Variants in MGAM2 observed in about 807,000 individuals in gnomAD.
MGAM2 encodes the protein maltase-glucoamylase 2 (putative).
A neutral mutation model predicts 96.1 loss-of-function variants in MGAM2; 98 were observed. The observed-to-expected ratio is 1.02, with a 90% confidence interval of 0.87 to 1.21. MGAM2 has a LOEUF of 1.21. MGAM2 is among the 50% of genes most tolerant of loss of function. The pLI, the probability that MGAM2 is intolerant of heterozygous loss-of-function variation, is 0.00. For synonymous variants in MGAM2, 749 were observed against 414.8 expected (o/e 1.81, Z -9.79); for missense variants, 2,055 against 1,182.4 (o/e 1.74, Z -10.82).
intron 32 of MGAM2, 114 bp downstream of exon 32, chr7:142,175,894 CTTTTTG>C (rs977726883): frequency 5.1e-5 from 24 of 474,378 alleles, no homozygotes; most frequent in Non-Finnish European, 7.4e-5. Flanking sequence ...GTACTCTGTA[CTTTTTG>C]TTTTGTTTTG....
intron 45 of MGAM2, among the ~76,000 whole-genome samples, chr7:142,206,568 T>G (rs180704895): frequency 4.0e-4 from 61 of 152,276 alleles, no homozygotes; most frequent in Non-Finnish European, 7.5e-4. Flanking sequence ...AACATCACAA[T>G]TAGTATGCAA....
rs377341056 is a variant in MGAM2, at chr7:142,152,172, A to T, written c.1635-1846A>T. Reference sequence around the variant, plus strand: ...GTAAGACTGTTCCTTTAAGATGTTTAAAAAAAAAAAAAAACCCAGCAGTTA... The same window carrying T: ...GTAAGACTGTTCCTTTAAGATGTTTTAAAAAAAAAAAAAACCCAGCAGTTA... On this transcript the variant is annotated intron_variant, in intron 15 of 47. Coordinates refer to ENST00000477922, the MANE Select transcript of MGAM2 (RefSeq NM_001293626.2). Among the ~76,000 whole-genome samples, 9 of 22,042 alleles carry T rather than the reference A, an allele frequency of 4.1e-4. No homozygotes were observed. The South Asian group carries it at 0.013, about 32-fold the overall frequency. 14.5% of individuals were successfully genotyped at this position (22,042 alleles called of 152,430 possible). A position where few individuals can be genotyped will look rare whatever the true frequency, so the allele number is the denominator to read the frequency against.
In MGAM2 at chr7:142,167,502, C is replaced by A. The variant is rs773641809; in HGVS notation, c.3027+16C>A. The A allele has an allele frequency of 2.8e-6, 2 of 702,836 alleles. No individual in the cohort carries two copies. The highest frequency in any genetic ancestry group is 2.0e-5 in the Admixed American group (1 of 49,990). 43.5% of individuals were successfully genotyped at this position (702,836 alleles called of 1,614,324 possible). ...GCAGGTCAAGGTAAGGCCCATGTTG[C>A]AGATTCTGGTTCTCAAGATGGAGTT... On this transcript the variant is annotated intron_variant, in intron 26 of 47. Coordinates refer to ENST00000477922, the MANE Select transcript of MGAM2 (RefSeq NM_001293626.2).
intron 40 of MGAM2, among the ~76,000 whole-genome samples, chr7:142,197,043 A>C (rs1052461305): frequency 6.6e-5 from 10 of 152,214 alleles, no homozygotes; most frequent in African/African-American, 9.6e-5. Context: ...AAAGGTTTTT[A>C]TAGTTCCACA....
At chr7:142,195,189 C>T (rs114900217) in intron 37 of MGAM2, among the ~76,000 whole-genome samples, 3,336 of 151,952 alleles carry the variant, frequency 0.022, 131 homozygotes, top group African/African-American at 0.077. Context: ...ACGTGCACCA[C>T]CCTGCCCAGC....
At chr7:142,202,750 G>A (rs541762299) in intron 45 of MGAM2, among the ~76,000 whole-genome samples, 1 of 152,000 alleles carries the variant, frequency 6.6e-6, no homozygotes, top group Non-Finnish European at 1.5e-5. Flanking sequence ...CCATGTCTTT[G>A]TAATTGTAAA....
chr7:142,206,551 G>A (rs1797407188), intron 45 of MGAM2, among the ~76,000 whole-genome samples: 1 of 152,084 alleles, frequency 6.6e-6, no homozygotes, highest in South Asian at 2.1e-4. Flanking sequence ...TGTCATAGTA[G>A]GTTAATAACA....
Position 142,200,939 on chromosome 7 carries a change from A to T in MGAM2, c.5137+971A>T, listed in dbSNP as rs568653469. Among the ~76,000 whole-genome samples, 22 of 151,828 alleles carry T rather than the reference A, an allele frequency of 1.4e-4. 1 individual carries two copies. Among genetic ancestry groups the T allele is most frequent in the African/African-American group, 5.3e-4 (22 of 41,428 alleles). ...TGAATCCTGTTTATTTTCCTCTAACATAATGACAGAAACATGTGTGAATGT... is the reference window on the plus strand; with the variant it reads ...TGAATCCTGTTTATTTTCCTCTAACTTAATGACAGAAACATGTGTGAATGT... On this transcript the variant is annotated intron_variant, in intron 45 of 47. Coordinates refer to ENST00000477922, the MANE Select transcript of MGAM2 (RefSeq NM_001293626.2).
intron 6 of MGAM2, 70 bp downstream of exon 6, chr7:142,132,155 G>C (rs1399696380): frequency 5.0e-6 from 3 of 605,706 alleles, no homozygotes; most frequent in African/African-American, 3.7e-5. Context: ...TGATTTACTG[G>C]GGGTGGGCAG....
chr7:142,189,553 C>T (rs996864225), intron 37 of MGAM2, 48 bp downstream of exon 37: 6 of 636,598 alleles, frequency 9.4e-6, no homozygotes, highest in Non-Finnish European at 1.7e-5. Flanking sequence ...CCACATCATT[C>T]CTTTTGCCAT....
chr7:142,206,326 G>A (rs992225603), intron 45 of MGAM2, among the ~76,000 whole-genome samples: 2 of 152,104 alleles, frequency 1.3e-5, no homozygotes, highest in African/African-American at 2.4e-5. Flanking sequence ...TTTTGTGGTG[G>A]TGGCTGGGCT....
chr7:142,142,524 GTTTTTTT>G (rs746342532), intron 12 of MGAM2, among the ~76,000 whole-genome samples: 6 of 78,888 alleles, frequency 7.6e-5, no homozygotes, highest in African/African-American at 9.9e-5. Context: ...AGTGGTGTGT[GTTTTTTT>G]TTTTTTTTTT....
At chr7:142,165,448 A>G (rs1444501196) in intron 24 of MGAM2, among the ~76,000 whole-genome samples, 1 of 152,228 alleles carries the variant, frequency 6.6e-6, no homozygotes, top group African/African-American at 2.4e-5. Context: ...GAGTAACGCA[A>G]GGAGAAATCC....
At chr7:142,178,568 A>T (rs1253866946) in intron 32 of MGAM2, among the ~76,000 whole-genome samples, 2 of 152,314 alleles carry the variant, frequency 1.3e-5, no homozygotes, top group Non-Finnish European at 2.9e-5. Context: ...ATTCTCTTGC[A>T]TATGGTGAGC....
chr7:142,126,468 C>T (rs935638008), intron 3 of MGAM2, among the ~76,000 whole-genome samples: 3 of 151,218 alleles, frequency 2.0e-5, no homozygotes, highest in African/African-American at 7.3e-5. Context: ...ATATTTTATT[C>T]CTCAAATCAT....
intron 31 of MGAM2, among the ~76,000 whole-genome samples, chr7:142,173,705 A>C (rs143550159): frequency 6.6e-6 from 1 of 152,338 alleles, no homozygotes; most frequent in African/African-American, 2.4e-5. Context: ...GGCTAAAAAG[A>C]AGCAAGTTCT....
chr7:142,171,819 G>A lies in MGAM2; in HGVS notation c.3352-279G>A, dbSNP rs141095044. Among the ~76,000 whole-genome samples the A allele has an allele frequency of 4.3e-3, 647 of 151,258 alleles. 7 individuals are homozygous for A. The highest frequency in any genetic ancestry group is 0.015 in the African/African-American group (599 of 41,298). ...GTCTTTGCTCTCCAGAGACTTATAG[G>A]CTAGTGAGAGAAATAGACGCAGAAA... On this transcript the variant is annotated intron_variant, in intron 28 of 47. Transcript: ENST00000477922.
At chr7:142,118,556 T>A (rs1040619274) in intron 2 of MGAM2, among the ~76,000 whole-genome samples, 1 of 152,160 alleles carries the variant, frequency 6.6e-6, no homozygotes, top group Non-Finnish European at 1.5e-5. Flanking sequence ...CATGAACCAG[T>A]CCTACTTCTG....
intron 14 of MGAM2, among the ~76,000 whole-genome samples, chr7:142,147,084 GC>G (rs1381191624): frequency 3.9e-5 from 6 of 152,026 alleles, no homozygotes; most frequent in African/African-American, 1.5e-4. Flanking sequence ...CCCTTTCTCT[GC>G]CTTCATACCT....
Sources: gnomAD v4.1 joint callset for allele counts (sites outside exome capture counted in the v4.1 genomes callset) on GRCh38, gnomAD v4.1.1 for gene constraint, MANE v1.5 for transcripts, NCBI Gene and HGNC (gene_info 2026-07-23, HGNC 2026-07-21) for gene names.